Variants in CNTN6 observed in about 807,000 individuals in gnomAD.
CNTN6 encodes the protein contactin-6.
In CNTN6, 137 loss-of-function variants were observed where a neutral mutation model predicts 122.8. The observed-to-expected ratio is 1.12, with a 90% CI of 0.97 to 1.29. The LOEUF (loss-of-function observed/expected upper bound fraction) is 1.29. Ranked by LOEUF, CNTN6 falls within the 50% of genes most tolerant of loss-of-function variation. The pLI is 0.00. For synonymous variants in CNTN6, 570 were observed against 426.0 expected, an observed-to-expected ratio of 1.34 and a Z score of -4.16; for missense variants, 1,634 against 1,223.4, an observed-to-expected ratio of 1.34 and a Z score of -5.01.
intron 1 of CNTN6, among the ~76,000 whole-genome samples, chr3:1,140,240 A>G (rs1459958138): frequency 6.6e-6 from 1 of 152,188 alleles, no homozygotes; most frequent in Non-Finnish European, 1.5e-5. Flanking sequence ...TATAAATACA[A>G]AGAGCATTTC....
In CNTN6 at chr3:1,330,235, G is replaced by A. The variant is rs189399675; in HGVS notation, c.1364+300G>A. Among the ~76,000 whole-genome samples the A allele has an allele frequency of 7.2e-5, 11 of 152,012 alleles. No homozygotes were observed. In the East Asian group the frequency reaches 2.1e-3, roughly 29 times the overall value. ...AGTTTGAAGGCTTCCTCCTGAACCA[G>A]CCTGCTGAGAAATCAGTGCGAATAA... On this transcript the variant is annotated intron_variant, in intron 11 of 22. Coordinates refer to ENST00000446702, the MANE Select transcript of CNTN6 (RefSeq NM_001289080.2).
chr3:1,189,470 A>AT (rs1443820361), intron 2 of CNTN6, among the ~76,000 whole-genome samples: 1 of 152,222 alleles, frequency 6.6e-6, no homozygotes, highest in African/African-American at 2.4e-5. Context: ...ACGCAATTAT[A>AT]TTTTTTAAAA....
chr3:1,312,499 T>C (rs983864771), intron 7 of CNTN6, among the ~76,000 whole-genome samples: 14 of 151,952 alleles, frequency 9.2e-5, no homozygotes, highest in African/African-American at 4.8e-5. Context: ...AAGTTGTTTG[T>C]TTCCTATTTT....
At chr3:1,359,331 G>C (rs1707108569) in intron 12 of CNTN6, among the ~76,000 whole-genome samples, 1 of 151,996 alleles carries the variant, frequency 6.6e-6, no homozygotes, top group South Asian at 2.1e-4. Flanking sequence ...AAAGATCTGT[G>C]TTTACATTTT....
chr3:1,115,814 A>G (rs1267191985), intron 1 of CNTN6, among the ~76,000 whole-genome samples: 1 of 152,166 alleles, frequency 6.6e-6, no homozygotes, highest in East Asian at 1.9e-4. Flanking sequence ...GAATTTGAGG[A>G]CGTTTCAGTT....
intron 2 of CNTN6, among the ~76,000 whole-genome samples, chr3:1,195,549 TTTTTAC>T (rs1202430961): frequency 2.0e-5 from 3 of 152,314 alleles, no homozygotes; most frequent in Admixed American, 1.3e-4. Flanking sequence ...ACTCTTGTTC[TTTTTAC>T]TTTTACTTTT....
chr3:1,240,193 C>T (rs754433139), intron 4 of CNTN6, among the ~76,000 whole-genome samples: 5 of 152,116 alleles, frequency 3.3e-5, no homozygotes, highest in Non-Finnish European at 5.9e-5. Context: ...AACTAAAAAG[C>T]TTCTGCACAG....
At chr3:1,261,268 T>G (rs2094842091) in intron 4 of CNTN6, among the ~76,000 whole-genome samples, 1 of 152,142 alleles carries the variant, frequency 6.6e-6, no homozygotes, top group Admixed American at 6.6e-5. Flanking sequence ...GTAGTGTATT[T>G]AGGTGGTATT....
chr3:1,344,886 A>T (rs1704432611), intron 11 of CNTN6, among the ~76,000 whole-genome samples: 1 of 152,160 alleles, frequency 6.6e-6, no homozygotes. Flanking sequence ...GTTACTTGGT[A>T]CAGTGGCCAG....
chr3:1,240,008 T>TA (rs1411893640), intron 4 of CNTN6, among the ~76,000 whole-genome samples: 4 of 151,784 alleles, frequency 2.6e-5, no homozygotes, highest in East Asian at 1.9e-4. Context: ...TCTCTCACCT[T>TA]AAAAAAAATC....
intron 17 of CNTN6, 34 bp from the exon 18 acceptor site, chr3:1,382,908 C>T (rs1163960843): frequency 6.9e-7 from 1 of 1,441,884 alleles, no homozygotes; most frequent in African/African-American, 1.4e-5. Flanking sequence ...AATATTTTTG[C>T]AAATACTCAG....
intron 8 of CNTN6, among the ~76,000 whole-genome samples, chr3:1,324,884 T>C (rs1475732165): frequency 6.7e-6 from 1 of 149,570 alleles, no homozygotes; most frequent in Non-Finnish European, 1.5e-5. Context: ...GCTGCGAGAA[T>C]CCACTGAAAG....
chr3:1,385,819 G>A (rs200661841), intron 20 of CNTN6, 22 bp downstream of exon 20: 1 of 1,572,742 alleles, frequency 6.4e-7, no homozygotes, highest in East Asian at 2.3e-5. Flanking sequence ...TACACTCCAG[G>A]AAACAAGATT....
At chr3:1,300,162 A>G (rs962306361) in intron 7 of CNTN6, among the ~76,000 whole-genome samples, 21 of 151,670 alleles carry the variant, frequency 1.4e-4, no homozygotes, top group Non-Finnish European at 2.2e-4. Flanking sequence ...TTTTTTTGGT[A>G]TTTTTAGTAG....
At chr3:1,154,848 CT>C (rs2092928621) in intron 2 of CNTN6, among the ~76,000 whole-genome samples, 2 of 152,194 alleles carry the variant, frequency 1.3e-5, no homozygotes, top group African/African-American at 4.8e-5. Context: ...CTTCTTCTGC[CT>C]ACCTCTTTCA....
At chr3:1,204,920 C>T (rs2093937956) in intron 2 of CNTN6, among the ~76,000 whole-genome samples, 2 of 152,004 alleles carry the variant, frequency 1.3e-5, no homozygotes, top group Admixed American at 1.3e-4. Flanking sequence ...ATCCCTGGAA[C>T]ATGTGAATCT....
rs186978193 is a variant in CNTN6 at position 1,093,631 on chromosome 3, G to C, written c.-83+511G>C. 2.8e-3 allele frequency among the ~76,000 whole-genome samples: 428 copies of C among 152,180 alleles called. 2 individuals carry two copies. Among genetic ancestry groups the C allele is most frequent in the African/African-American group, 9.7e-3 (401 of 41,528 alleles). On this transcript the variant is annotated intron_variant, in intron 1 of 22. Coordinates refer to ENST00000446702, the MANE Select transcript of CNTN6 (RefSeq NM_001289080.2). ...GTTTCCTAGGGGAGAATTTGGTAAG[G>C]GGAGCAAAGCAAGACTGGAGGTCAT...
In CNTN6 at chr3:1,296,341, A is replaced by G. The variant is rs149476080; in HGVS notation, c.658+537A>G. Among the ~76,000 whole-genome samples the G allele has an allele frequency of 4.4e-3, 677 of 152,298 alleles. 9 individuals are homozygous for G. Among genetic ancestry groups the G allele is most frequent in the African/African-American group, 0.015 (621 of 41,562 alleles). ...GAGAAGAATGAAACACAAGATTTAT[A>G]CTAATTATATTCCTCCAAGGAACAT... On this transcript the variant is annotated intron_variant, in intron 6 of 22. Transcript: ENST00000446702.
intron 4 of CNTN6, among the ~76,000 whole-genome samples, chr3:1,273,015 T>G (rs181279556): frequency 6.6e-6 from 1 of 152,328 alleles, no homozygotes; most frequent in African/African-American, 2.4e-5. Flanking sequence ...TGGGCCATTC[T>G]CAGGCACTTC....
Sources: gnomAD v4.1 joint callset for allele counts (sites outside exome capture counted in the v4.1 genomes callset) on GRCh38, gnomAD v4.1.1 for gene constraint, MANE v1.5 for transcripts, NCBI Gene and HGNC (gene_info 2026-07-23, HGNC 2026-07-21) for gene names.